GPAT4: variants seen among roughly 807,000 people sequenced by gnomAD.
GPAT4 encodes the protein glycerol-3-phosphate acyltransferase 4, also known as 1-AGP acyltransferase 6.
A neutral mutation model predicts 58.0 loss-of-function variants in GPAT4; 17 were observed. That is an observed-to-expected ratio of 0.29 (90% confidence interval 0.20 to 0.44). The LOEUF (loss-of-function observed/expected upper bound fraction) is 0.44. Among genes scored for constraint, GPAT4 ranks in the 20% least tolerant of loss-of-function variants. The pLI is 1.00. For missense variants in GPAT4, 377 were observed against 574.5 expected (o/e 0.66, Z 3.51); for synonymous variants, 204 against 210.1 (o/e 0.97, Z 0.25).
rs868541337 is a variant in GPAT4, at chr8:41,598,951, C to T, written c.-189C>T. 17 of 711,048 alleles carry T rather than the reference C, an allele frequency of 2.4e-5. No homozygotes were observed. Among genetic ancestry groups the T allele is most frequent in the Non-Finnish European group, 3.6e-5 (16 of 439,750 alleles). 44.0% of individuals were successfully genotyped at this position (711,048 alleles called of 1,614,324 possible). ...GGCGTTTGCAGTTGCCTCCTGTGGC[C>T]GTGTTTTTCTGTCATTCTGTTCCCA... On this transcript the variant is annotated 5_prime_UTR_variant, in exon 2 of 13. Transcript: ENST00000396987.
At chr8:41,589,639 C>G (rs1802739786) in intron 1 of GPAT4, among the ~76,000 whole-genome samples, 1 of 152,112 alleles carries the variant, frequency 6.6e-6, no homozygotes, top group Non-Finnish European at 1.5e-5. Flanking sequence ...CTGGCCAACC[C>G]CTGAACTAGG....
Position 41,597,147 on chromosome 8 carries a change from C to T in GPAT4, c.-848-1145C>T, listed in dbSNP as rs539955791. 2.6e-5 allele frequency among the ~76,000 whole-genome samples: 4 copies of T among 152,344 alleles called. 1 individual carries two copies. The South Asian group carries it at 8.3e-4, about 32-fold the overall frequency. ...GGCTATCTGCCTGTGGATTCCATTT[C>T]TGCCTTTTAGATTTTATTTCTTCTT... On this transcript the variant is annotated intron_variant, in intron 1 of 12. Coordinates refer to ENST00000396987, the MANE Select transcript of GPAT4 (RefSeq NM_178819.4).
chr8:41,587,372 A>G (rs2150482498), intron 1 of GPAT4, among the ~76,000 whole-genome samples: 1 of 152,160 alleles, frequency 6.6e-6, no homozygotes, highest in Admixed American at 6.5e-5. Context: ...AAATACATTC[A>G]AATTCCCCTT....
intron 1 of GPAT4, among the ~76,000 whole-genome samples, chr8:41,579,620 C>G (rs1400766092): frequency 6.6e-6 from 1 of 152,104 alleles, no homozygotes; most frequent in African/African-American, 2.4e-5. Context: ...GGCGGATCAC[C>G]TAAAGTCAGG....
At position 41,588,339 on chromosome 8, in the gene GPAT4, G is replaced by A. The variant is rs181611238; in HGVS notation, c.-848-9953G>A. ...CCTGAGTTGGGATGTGTCACAGAGA[G>A]CCGACTGAAAAGTATTTGATTCTGC... On this transcript the variant is annotated intron_variant, in intron 1 of 12. Coordinates refer to ENST00000396987, the MANE Select transcript of GPAT4 (RefSeq NM_178819.4). Among the ~76,000 whole-genome samples the A allele has an allele frequency of 1.1e-4, 16 of 152,302 alleles. No homozygotes were observed. The East Asian group carries it at 3.1e-3, about 29-fold the overall frequency.
intron 1 of GPAT4, among the ~76,000 whole-genome samples, chr8:41,582,468 CACACACACAT>C (rs762086293): frequency 3.4e-5 from 5 of 146,890 alleles, no homozygotes; most frequent in Admixed American, 6.8e-5. Context: ...CACACACACA[CACACACACAT>C]CTTTCTTTCT....
At chr8:41,587,010 G>T (rs1802671195) in intron 1 of GPAT4, among the ~76,000 whole-genome samples, 1 of 152,234 alleles carries the variant, frequency 6.6e-6, no homozygotes, top group African/African-American at 2.4e-5. Flanking sequence ...GTGGCCAGGG[G>T]ATGGTTCTGG....
chr8:41,580,531 T>C (rs1802484050), intron 1 of GPAT4, among the ~76,000 whole-genome samples: 1 of 152,232 alleles, frequency 6.6e-6, no homozygotes, highest in African/African-American at 2.4e-5. Flanking sequence ...TCAGTACTTA[T>C]TCCTCAATTT....
chr8:41,610,479 C>T (rs1321773378), intron 4 of GPAT4: 2 of 1,336,720 alleles, frequency 1.5e-6, no homozygotes, highest in Non-Finnish European at 1.9e-6. Context: ...TTAGGGTTTT[C>T]CAGCCTTCCA....
In GPAT4 at chr8:41,609,371, C is replaced by T. The variant is rs774472188; in HGVS notation, c.166-45C>T. ...GATGGAGGTGTTCACTGATTGAAAA[C>T]AGGTCTCATTCTTGCTCTTGTATCT... On this transcript the variant is annotated intron_variant, in intron 2 of 12. Transcript: ENST00000396987. 5 of 1,574,574 alleles carry T rather than the reference C, an allele frequency of 3.2e-6. No homozygotes were observed. The Middle Eastern group carries it at 6.7e-4, about 210-fold the overall frequency.
intron 1 of GPAT4, among the ~76,000 whole-genome samples, chr8:41,581,970 C>A (rs1563266134): frequency 8.0e-6 from 1 of 124,502 alleles, no homozygotes; most frequent in African/African-American, 3.0e-5. Flanking sequence ...GATCAGGAAG[C>A]TTAAATCAAG....
chr8:41,593,865 T>TACTATAA (rs1162597667), intron 1 of GPAT4, among the ~76,000 whole-genome samples: 1 of 152,256 alleles, frequency 6.6e-6, no homozygotes, highest in African/African-American at 2.4e-5. Flanking sequence ...GTGGACTTTA[T>TACTATAA]AGTCCTTGGT....
rs1261601679 is a variant in GPAT4 at position 41,621,955 on chromosome 8, C to T, written c.*954C>T. The T allele has an allele frequency of 6.6e-6, 1 of 152,276 alleles. No homozygotes were observed. The allele number at this position is 152,276 out of a possible 1,614,324, so 9.4% of individuals were successfully genotyped here. On this transcript the variant is annotated 3_prime_UTR_variant, in exon 13 of 13. Coordinates refer to ENST00000396987, the MANE Select transcript of GPAT4 (RefSeq NM_178819.4). ...CTTTACTTTCTCCCCTGGCTGTGGC[C>T]CTGAGTAGCAGGCTTCTCGTGAGGA...
In GPAT4 at chr8:41,609,903, G is replaced by T. The variant is rs1243368199; in HGVS notation, c.484G>T (p.Val162Phe). The T allele has an allele frequency of 6.2e-7, 1 of 1,613,986 alleles. No individual in the cohort carries two copies. Among genetic ancestry groups the T allele is most frequent in the Non-Finnish European group, 8.5e-7 (1 of 1,179,970 alleles). The change falls in exon 4 of 13, where the codon GTC becomes TTC. Residue 162 changes from valine (V) to phenylalanine (F), a missense_variant. Physicochemically the swap from Val to Phe is conservative, Grantham distance 50 (BLOSUM62 -1). Transcript: ENST00000396987. ...CCAGTACATCAGCCTTCGGCTCACG[G>T]TCCTGTGGGGGTTAGGAGTGCTGAT... ...NFQYISLRLTVLWGLGVLIRY... is the reference protein window; with the variant it reads ...NFQYISLRLTFLWGLGVLIRY...
At chr8:41,585,753 T>G (rs576055741) in intron 1 of GPAT4, among the ~76,000 whole-genome samples, 1 of 152,336 alleles carries the variant, frequency 6.6e-6, no homozygotes, top group South Asian at 2.1e-4. Flanking sequence ...TCCCTGTATG[T>G]TTGGCCATCA....
At chr8:41,581,833 C>T (rs1488527494) in intron 1 of GPAT4, among the ~76,000 whole-genome samples, 2 of 149,142 alleles carry the variant, frequency 1.3e-5, no homozygotes, top group African/African-American at 4.9e-5. Context: ...CAGGGTTTCA[C>T]CGTGTTAGCC....
intron 1 of GPAT4, among the ~76,000 whole-genome samples, chr8:41,592,896 T>C (rs1563270419): frequency 1.3e-5 from 2 of 152,196 alleles, no homozygotes; most frequent in African/African-American, 4.8e-5. Flanking sequence ...AGGAGTTACA[T>C]TGTCCCTTAG....
chr8:41,594,734 A>G (rs1802878878), intron 1 of GPAT4, among the ~76,000 whole-genome samples: 1 of 151,916 alleles, frequency 6.6e-6, no homozygotes, highest in African/African-American at 2.4e-5. Flanking sequence ...TTTAGTAGAG[A>G]CGGGGTTTCA....
At chr8:41,600,332 G>A (rs185393099) in intron 2 of GPAT4, among the ~76,000 whole-genome samples, 14 of 152,106 alleles carry the variant, frequency 9.2e-5, no homozygotes, top group Admixed American at 7.8e-4. Flanking sequence ...CTGAGCCACC[G>A]TACCTGGCCC....
Sources: gnomAD v4.1 joint callset for allele counts (sites outside exome capture counted in the v4.1 genomes callset) on GRCh38, gnomAD v4.1.1 for gene constraint, MANE v1.5 for transcripts, NCBI Gene and HGNC (gene_info 2026-07-23, HGNC 2026-07-21) for gene names.